The following CYP39A1 variants were observed in gnomAD, a reference collection of about 807,000 sequenced individuals.
CYP39A1 encodes 24-hydroxycholesterol 7-alpha-hydroxylase.
CYP39A1 carries 49 observed loss-of-function variants against 58.1 expected under a neutral mutation model. The ratio of observed to expected loss-of-function variants is 0.84; its 90% confidence interval spans 0.67 to 1.07. The LOEUF is 1.07. Ranked by LOEUF, CYP39A1 falls within the 50% of genes least tolerant of loss-of-function variation. The pLI, the probability that CYP39A1 is intolerant of heterozygous loss-of-function variation, is 0.00. For synonymous variants in CYP39A1, 209 were observed against 187.6 expected (o/e 1.11, Z -0.93); for missense variants, 531 against 539.4 (o/e 0.98, Z 0.16).
At chr6:46,583,929 T>C (rs1772305456) in intron 10 of CYP39A1, among the ~76,000 whole-genome samples, 1 of 152,148 alleles carries the variant, frequency 6.6e-6, no homozygotes, top group African/African-American at 2.4e-5. Context: ...TCAGCCATAT[T>C]ACAGGCAACT....
intron 7 of CYP39A1, among the ~76,000 whole-genome samples, chr6:46,618,628 C>T (rs1025820674): frequency 1.3e-5 from 2 of 152,100 alleles, no homozygotes; most frequent in East Asian, 1.9e-4. Context: ...GATTACTGGG[C>T]TTGAAATTAC....
intron 10 of CYP39A1, among the ~76,000 whole-genome samples, chr6:46,576,606 T>C (rs531326051): frequency 2.0e-5 from 3 of 152,202 alleles, no homozygotes; most frequent in South Asian, 4.2e-4. Flanking sequence ...AGTGAAATGG[T>C]CCAAGAGTTG....
intron 10 of CYP39A1, among the ~76,000 whole-genome samples, chr6:46,570,135 GT>G (rs1246629113): frequency 6.6e-6 from 1 of 151,934 alleles, no homozygotes; most frequent in Non-Finnish European, 1.5e-5. Context: ...TATCTAACTG[GT>G]TTTATTTAAA....
chr6:46,563,361 T>C (rs1429479587), intron 10 of CYP39A1, among the ~76,000 whole-genome samples: 1 of 152,212 alleles, frequency 6.6e-6, no homozygotes, highest in Non-Finnish European at 1.5e-5. Flanking sequence ...TGAGGCACAT[T>C]GTTTATGACA....
At chr6:46,582,425 A>G (rs560511949) in intron 10 of CYP39A1, among the ~76,000 whole-genome samples, 23 of 152,324 alleles carry the variant, frequency 1.5e-4, no homozygotes, top group African/African-American at 4.8e-4. Context: ...TCAGAGCATC[A>G]TAAGTCCCAA....
rs754541317 is a variant in CYP39A1, at chr6:46,587,142, T to C, written c.1185A>G (p.Leu395=). 3 of 1,611,162 alleles carry C rather than the reference T, an allele frequency of 1.9e-6. No homozygotes were observed. The highest frequency in any genetic ancestry group is 2.5e-6 in the Non-Finnish European group (3 of 1,178,648). Reference sequence around the variant, plus strand: ...AGCAGTCCAAGAAAGAGTGCTTCTCTAAATTTGCCTTTTTCCAACGTTCCT... The same window carrying C: ...AGCAGTCCAAGAAAGAGTGCTTCTCCAAATTTGCCTTTTTCCAACGTTCCT... ...FKPERWKKAN[L]EKHSFLDCFM... Residue 395 remains leucine (L), a synonymous_variant, in exon 10 of 12, where the codon TTA becomes TTG. Transcript: ENST00000275016.
In CYP39A1 at chr6:46,615,707, G is replaced by A. The variant is rs1774493124; in HGVS notation, c.931+9711C>T. 2.0e-5 allele frequency among the ~76,000 whole-genome samples: 3 copies of A among 150,220 alleles called. No homozygotes were observed. In the South Asian group the frequency reaches 6.3e-4, roughly 32 times the overall value. On this transcript the variant is annotated intron_variant, in intron 7 of 11. Coordinates refer to ENST00000275016, the MANE Select transcript of CYP39A1 (RefSeq NM_016593.5). ...CCAACCTAATATTAACCATTTTTTA[G>A]AAATGTGCTCACATTCTCCTCTGGA...
In CYP39A1 at chr6:46,552,506, T is replaced by C. The variant is rs1443005414; in HGVS notation, c.1338+1261A>G. 5.9e-5 allele frequency among the ~76,000 whole-genome samples: 9 copies of C among 152,344 alleles called. No homozygotes were observed. The South Asian group carries it at 6.2e-4, about 11-fold the overall frequency. ...CACTTACGCACTTACATAATTCCTA[T>C]TGAAATGTCACCTAAGAGTTTTATT... is the stretch of plus-strand genomic sequence containing the variant. On this transcript the variant is annotated intron_variant, in intron 11 of 11. Coordinates refer to ENST00000275016, the MANE Select transcript of CYP39A1 (RefSeq NM_016593.5).
intron 11 of CYP39A1, among the ~76,000 whole-genome samples, chr6:46,550,800 C>T (rs570690961): frequency 1.2e-4 from 19 of 152,254 alleles, no homozygotes; most frequent in South Asian, 1.0e-3. Context: ...GTGAGATCTC[C>T]ATACTGCAGG....
chr6:46,628,198 G>A (rs536557307), intron 6 of CYP39A1, among the ~76,000 whole-genome samples: 11 of 152,162 alleles, frequency 7.2e-5, no homozygotes, highest in Non-Finnish European at 1.5e-4. Flanking sequence ...GTCTTCTACC[G>A]ATCATGGTAA....
chr6:46,648,908 TCTCA>T (rs979897276), intron 1 of CYP39A1, among the ~76,000 whole-genome samples: 2 of 152,168 alleles, frequency 1.3e-5, no homozygotes, highest in African/African-American at 4.8e-5. Context: ...AAAATAACTC[TCTCA>T]GAGTGCCAGA....
chr6:46,550,571 C>G (rs1219829053), intron 11 of CYP39A1, 134 bp from the exon 12 acceptor site: 7 of 639,216 alleles, frequency 1.1e-5, no homozygotes, highest in Non-Finnish European at 1.8e-5. Context: ...ATGTTTGCAT[C>G]AATGAACTTC....
chr6:46,627,492 C>A (rs1350302463), intron 6 of CYP39A1, among the ~76,000 whole-genome samples: 1 of 151,664 alleles, frequency 6.6e-6, no homozygotes, highest in Admixed American at 6.6e-5. Context: ...AATCTCGGCT[C>A]ACTGCAAGCT....
chr6:46,615,682 C>A (rs963396768), intron 7 of CYP39A1, among the ~76,000 whole-genome samples: 12 of 151,880 alleles, frequency 7.9e-5, no homozygotes, highest in African/African-American at 2.7e-4. Context: ...ATCTCTTCTT[C>A]CAACCTAATA....
intron 8 of CYP39A1, among the ~76,000 whole-genome samples, chr6:46,590,477 G>A (rs990978884): frequency 1.3e-5 from 2 of 152,136 alleles, no homozygotes; most frequent in African/African-American, 4.8e-5. Context: ...TCTATAGCAG[G>A]AGGTCTAAAG....
chr6:46,553,974 CTT>C lies in CYP39A1; in HGVS notation c.1251-122_1251-121del, dbSNP rs139888307. On this transcript the variant is annotated intron_variant, in intron 10 of 11. Transcript: ENST00000275016. ...AACATGCTCTTCTTTACAATATACT[CTT>C]TTCCTATTTAAAGGACAGAGTAAGA... The C allele has an allele frequency of 1.4e-4, 91 of 663,678 alleles. No individual in the cohort carries two copies. In the African/African-American group the frequency reaches 1.4e-3, roughly 10 times the overall value. The allele number at this position is 663,678 out of a possible 1,614,324, so 41.1% of individuals were successfully genotyped here. A position where few individuals can be genotyped will look rare whatever the true frequency, so the allele number is the denominator to read the frequency against.
intron 7 of CYP39A1, among the ~76,000 whole-genome samples, chr6:46,617,843 A>G (rs1177020219): frequency 5.9e-5 from 9 of 152,134 alleles, no homozygotes; most frequent in Non-Finnish European, 7.4e-5. Flanking sequence ...ATTAGCGCTG[A>G]CTATTAACTA....
chr6:46,554,792 C>A (rs906674119), intron 10 of CYP39A1, among the ~76,000 whole-genome samples: 2 of 152,096 alleles, frequency 1.3e-5, no homozygotes, highest in Non-Finnish European at 2.9e-5. Flanking sequence ...CCTCCATATC[C>A]AATTAGGCAC....
At chr6:46,624,778 C>T (rs1775201153) in intron 7 of CYP39A1, among the ~76,000 whole-genome samples, 1 of 152,014 alleles carries the variant, frequency 6.6e-6, no homozygotes, top group Admixed American at 6.6e-5. Context: ...GCTGAATAAA[C>T]AAGTAGTTGA....
Sources: gnomAD v4.1 joint callset for allele counts (sites outside exome capture counted in the v4.1 genomes callset) on GRCh38, gnomAD v4.1.1 for gene constraint, MANE v1.5 for transcripts, NCBI Gene and HGNC (gene_info 2026-07-23, HGNC 2026-07-21) for gene names.